The following DLGAP2 variants were observed in gnomAD, a reference collection of about 807,000 sequenced individuals.
DLGAP2 encodes the protein disks large-associated protein 2.
Under a neutral mutation model 100.3 loss-of-function variants are expected in DLGAP2, and 26 were observed. That is an observed-to-expected ratio of 0.26 (90% CI 0.19 to 0.36). The LOEUF (loss-of-function observed/expected upper bound fraction) is 0.36. Among genes scored for constraint, DLGAP2 ranks in the 10% least tolerant of loss-of-function variants. The pLI is 1.00. For synonymous variants in DLGAP2, 886 were observed against 630.1 expected (o/e 1.41, Z -6.08); for missense variants, 1,858 against 1,453.2 (o/e 1.28, Z -4.53).
In DLGAP2 at chr8:1,283,917, G is replaced by A. The variant is rs530960366; in HGVS notation, c.106+25034G>A. Among the ~76,000 whole-genome samples the A allele has an allele frequency of 2.0e-5, 3 of 152,328 alleles. No homozygotes were observed. The East Asian group carries it at 5.8e-4, about 29-fold the overall frequency. On this transcript the variant is annotated intron_variant, in intron 3 of 14. Coordinates refer to ENST00000637795, the MANE Select transcript of DLGAP2 (RefSeq NM_001346810.2). ...GTTGTTTTATAACATTTCTGAAAACGTGGAAAATGCTAGAGCGTCCATCTG... is the reference window on the plus strand; with the variant it reads ...GTTGTTTTATAACATTTCTGAAAACATGGAAAATGCTAGAGCGTCCATCTG...
intron 2 of DLGAP2, among the ~76,000 whole-genome samples, chr8:1,252,743 T>G (rs944065028): frequency 3.0e-4 from 45 of 152,372 alleles, no homozygotes; most frequent in Non-Finnish European, 4.7e-4. Flanking sequence ...CCTGCTGTCA[T>G]CTAGAGCTCC....
chr8:852,024 C>T (rs1373519379), intron 1 of DLGAP2, among the ~76,000 whole-genome samples: 2 of 152,250 alleles, frequency 1.3e-5, no homozygotes, highest in Admixed American at 6.5e-5. Context: ...TAAACCCAAG[C>T]TCCCACCTGC....
chr8:848,382 C>T lies in DLGAP2; in HGVS notation c.19-59530C>T, dbSNP rs1418177015. On this transcript the variant is annotated intron_variant, in intron 1 of 14. Coordinates refer to ENST00000637795, the MANE Select transcript of DLGAP2 (RefSeq NM_001346810.2). ...GTGCCTGTTCCAGTGTAGGGTCGTG[C>T]GGTGCGTGTTCCAGTGTAGGGTCGT... Among the ~76,000 whole-genome samples the T allele has an allele frequency of 1.4e-3, 161 of 116,568 alleles. 2 individuals are homozygous for T. The highest frequency in any genetic ancestry group is 4.6e-3 in the South Asian group (16 of 3,488). The allele number at this position is 116,568 out of a possible 152,430, so 76.5% of individuals were successfully genotyped here. A position where few individuals can be genotyped will look rare whatever the true frequency, so the allele number is the denominator to read the frequency against.
intron 1 of DLGAP2, among the ~76,000 whole-genome samples, chr8:864,878 T>C (rs1368919568): frequency 6.6e-6 from 1 of 152,212 alleles, no homozygotes; most frequent in African/African-American, 2.4e-5. Context: ...TTGATAATTA[T>C]AAGACAAATT....
chr8:1,649,403 T>A (rs1223122248), intron 8 of DLGAP2, among the ~76,000 whole-genome samples: 1 of 152,218 alleles, frequency 6.6e-6, no homozygotes, highest in Non-Finnish European at 1.5e-5. Context: ...TCAGCAGTGG[T>A]GTTGGGGTAA....
rs144342352 is a variant in DLGAP2, at chr8:1,049,050, T to C, written c.73+141084T>C. On this transcript the variant is annotated intron_variant, in intron 2 of 14. Coordinates refer to ENST00000637795, the MANE Select transcript of DLGAP2 (RefSeq NM_001346810.2). ...TAAGAGATTGACAAAGTTATGTGTCTGTCATTGACCAGTTACTTCCCGTTT... is the reference window on the plus strand; with the variant it reads ...TAAGAGATTGACAAAGTTATGTGTCCGTCATTGACCAGTTACTTCCCGTTT... Among the ~76,000 whole-genome samples, 900 of 152,342 alleles carry C rather than the reference T, an allele frequency of 5.9e-3. 9 individuals are homozygous for C. The highest frequency in any genetic ancestry group is 0.02 in the African/African-American group (842 of 41,576).
intron 2 of DLGAP2, among the ~76,000 whole-genome samples, chr8:1,202,129 CTG>C (rs1017761609): frequency 1.4e-5 from 2 of 147,828 alleles, no homozygotes; most frequent in African/African-American, 5.3e-5. Flanking sequence ...ATCTGTGTGT[CTG>C]TTGTGTGTGT....
chr8:785,440 C>G (rs569077145), intron 1 of DLGAP2, among the ~76,000 whole-genome samples: 1 of 150,844 alleles, frequency 6.6e-6, no homozygotes, highest in Non-Finnish European at 1.5e-5. Context: ...TCTCTCCTCC[C>G]CTCAGGTCTC....
intron 3 of DLGAP2, among the ~76,000 whole-genome samples, chr8:1,267,026 A>C (rs903714283): frequency 3.3e-5 from 5 of 151,976 alleles, no homozygotes; most frequent in Admixed American, 3.3e-4. Context: ...CAGGAGGTCA[A>C]AACCATCCTG....
rs1289396604 is a variant in DLGAP2, at chr8:1,548,628, C to T, written c.175C>T (p.Pro59Ser). 1.3e-6 allele frequency: 2 copies of T among 1,526,892 alleles called. No individual in the cohort carries two copies. Among genetic ancestry groups the T allele is most frequent in the African/African-American group, 1.4e-5 (1 of 72,284 alleles). The allele number at this position is 1,526,892 out of a possible 1,614,324, so 94.6% of individuals were successfully genotyped here. A position where few individuals can be genotyped will look rare whatever the true frequency, so the allele number is the denominator to read the frequency against. ...ATGCCGTTTCTGTTTCCCCACAGAC[C>T]CGCAGTACTCATGGTCGCCCACGCA... ...FPGPAEEDLD[P>S]QYSWSPTQHF... Residue 59 changes from proline (P) to serine (S), a missense_variant and splice_region_variant, in exon 5 of 15, where the codon CCG becomes TCG. Physicochemically the swap from Pro to Ser is moderately conservative, Grantham distance 74 (BLOSUM62 -1). Coordinates refer to ENST00000637795, the MANE Select transcript of DLGAP2 (RefSeq NM_001346810.2).
At chr8:1,245,340 G>T (rs542589200) in intron 2 of DLGAP2, among the ~76,000 whole-genome samples, 1 of 152,296 alleles carries the variant, frequency 6.6e-6, no homozygotes, top group African/African-American at 2.4e-5. Context: ...AAACAACCCA[G>T]GTCAAGTATC....
chr8:1,153,796 C>T (rs1036717588), intron 2 of DLGAP2, among the ~76,000 whole-genome samples: 3 of 152,242 alleles, frequency 2.0e-5, no homozygotes, highest in African/African-American at 7.2e-5. Context: ...TAATGTTTTG[C>T]AGATCTCATT....
chr8:1,427,691 G>A (rs1797275146), intron 3 of DLGAP2, among the ~76,000 whole-genome samples: 1 of 152,134 alleles, frequency 6.6e-6, no homozygotes, highest in African/African-American at 2.4e-5. Context: ...TTAAAAATGG[G>A]AGTTTCCCTG....
At chr8:1,002,223 G>T (rs1275125182) in intron 2 of DLGAP2, 6 of 152,132 alleles carry the variant, frequency 3.9e-5, no homozygotes, top group African/African-American at 1.4e-4. Context: ...TTTTGTCACT[G>T]TGTTCAAAGG....
intron 2 of DLGAP2, among the ~76,000 whole-genome samples, chr8:1,042,512 ATGG>A (rs1802382779): frequency 6.6e-6 from 1 of 152,136 alleles, no homozygotes; most frequent in Non-Finnish European, 1.5e-5. Context: ...TGTGTGGAAA[ATGG>A]TGGTGAGAAG....
intron 1 of DLGAP2, among the ~76,000 whole-genome samples, chr8:863,686 C>T (rs528128669): frequency 1.3e-5 from 2 of 152,278 alleles, no homozygotes; most frequent in East Asian, 3.9e-4. Flanking sequence ...TGTCCCCTGG[C>T]CCCTGTTCGA....
chr8:1,292,600 T>G (rs988074858), intron 3 of DLGAP2, among the ~76,000 whole-genome samples: 4 of 152,226 alleles, frequency 2.6e-5, no homozygotes, highest in Non-Finnish European at 5.9e-5. Context: ...TGAAATATTT[T>G]TGAAAGTAGG....
rs1799729165 is a variant in DLGAP2 at position 1,707,113 on chromosome 8, T to G, written c.*5707T>G. 1 of 152,688 alleles carries G rather than the reference T, an allele frequency of 6.5e-6. No homozygotes were observed. Among genetic ancestry groups the G allele is most frequent in the South Asian group, 2.1e-4 (1 of 4,834 alleles). The allele number at this position is 152,688 out of a possible 1,614,324, so 9.5% of individuals were successfully genotyped here. A position where few individuals can be genotyped will look rare whatever the true frequency, so the allele number is the denominator to read the frequency against. On this transcript the variant is annotated 3_prime_UTR_variant, in exon 15 of 15. Transcript: ENST00000637795. Reference sequence around the variant, plus strand: ...CAGATTTTGTATATACACACACAAGTTGACAGAGGTTTACCTCCCTACTTT... The same window carrying G: ...CAGATTTTGTATATACACACACAAGGTGACAGAGGTTTACCTCCCTACTTT...
At chr8:876,925 A>G (rs1259510016) in intron 1 of DLGAP2, among the ~76,000 whole-genome samples, 1 of 151,142 alleles carries the variant, frequency 6.6e-6, no homozygotes, top group Non-Finnish European at 1.5e-5. Context: ...AACCCCACGA[A>G]TGAGTTTTTA....
Sources: allele counts gnomAD v4.1 joint callset (sites outside exome capture counted in the v4.1 genomes callset), GRCh38; gene constraint gnomAD v4.1.1; transcripts MANE v1.5; gene names NCBI Gene and HGNC (gene_info 2026-07-23, HGNC 2026-07-21).